Variants in ENOX1 observed in about 807,000 individuals in gnomAD.
ENOX1 encodes the protein candidate growth-related and time keeping constitutive hydroquinone (NADH) oxidase.
ENOX1 carries 42 observed loss-of-function variants against 82.5 expected under a neutral mutation model. The observed-to-expected ratio is 0.51, with a 90% CI of 0.40 to 0.66. The LOEUF (loss-of-function observed/expected upper bound fraction) is 0.66, where lower values mean the gene tolerates loss of function less well. ENOX1 is among the 30% of genes least tolerant of loss of function. The pLI is 0.00. For synonymous variants in ENOX1, 271 were observed against 282.2 expected, an observed-to-expected ratio of 0.96 and a Z score of 0.40; for missense variants, 608 against 811.6, an observed-to-expected ratio of 0.75 and a Z score of 3.05.
Position 43,676,766 on chromosome 13 carries a change from T to C in ENOX1, c.-284-9222A>G, listed in dbSNP as rs909932538. The stretch of plus-strand genomic sequence containing the variant: ...CAGAAAGGGGTTCAGGGAAAAGAAG[T>C]TTGAGATAGCTGGTCCGTTGCACCC... On this transcript the variant is annotated intron_variant, in intron 1 of 16. Coordinates refer to ENST00000690772, the MANE Select transcript of ENOX1 (RefSeq NM_001347969.2). Among the ~76,000 whole-genome samples the C allele has an allele frequency of 2.6e-5, 4 of 152,062 alleles. No individual in the cohort carries two copies. In the East Asian group the frequency reaches 7.7e-4, roughly 29 times the overall value.
At chr13:43,418,309 C>T (rs549922554) in intron 3 of ENOX1, among the ~76,000 whole-genome samples, 1 of 152,294 alleles carries the variant, frequency 6.6e-6, no homozygotes, top group Admixed American at 6.5e-5. Flanking sequence ...GGGCCAATCA[C>T]CTGAGGTCAG....
chr13:43,231,528 G>A (rs2042280719), intron 15 of ENOX1, among the ~76,000 whole-genome samples: 1 of 152,186 alleles, frequency 6.6e-6, no homozygotes, highest in Non-Finnish European at 1.5e-5. Flanking sequence ...TGTAATATTT[G>A]TCTGTCTTAT....
At chr13:43,590,367 A>C (rs2081189375) in intron 2 of ENOX1, among the ~76,000 whole-genome samples, 1 of 152,200 alleles carries the variant, frequency 6.6e-6, no homozygotes, top group South Asian at 2.1e-4. Context: ...ATCGAAAATG[A>C]GAAGGAACAC....
intron 14 of ENOX1, among the ~76,000 whole-genome samples, chr13:43,251,423 GTATCT>G (rs1456987817): frequency 5.3e-5 from 8 of 152,200 alleles, no homozygotes; most frequent in African/African-American, 1.9e-4. Flanking sequence ...TGTTACTAAT[GTATCT>G]ACCTGCATAG....
chr13:43,480,064 G>C (rs975421174), intron 3 of ENOX1, among the ~76,000 whole-genome samples: 3 of 151,884 alleles, frequency 2.0e-5, no homozygotes, highest in Admixed American at 2.0e-4. Flanking sequence ...GCCTCCTGAA[G>C]TAGCTGGGAT....
intron 2 of ENOX1, among the ~76,000 whole-genome samples, chr13:43,535,105 C>T (rs1305783525): frequency 6.6e-6 from 1 of 152,102 alleles, no homozygotes; most frequent in Non-Finnish European, 1.5e-5. Flanking sequence ...GGGAAAATAA[C>T]TCCTCCACAC....
At chr13:43,260,701 T>A (rs1055248989) in intron 14 of ENOX1, among the ~76,000 whole-genome samples, 2 of 152,098 alleles carry the variant, frequency 1.3e-5, no homozygotes, top group African/African-American at 4.8e-5. Context: ...CAATTTAAGA[T>A]GTTGATATCT....
intron 2 of ENOX1, among the ~76,000 whole-genome samples, chr13:43,559,556 T>C (rs2079581373): frequency 6.6e-6 from 1 of 152,214 alleles, no homozygotes; most frequent in South Asian, 2.1e-4. Context: ...CTTATTTAAA[T>C]ATGCTTATTT....
intron 2 of ENOX1, among the ~76,000 whole-genome samples, chr13:43,555,550 T>C (rs768153168): frequency 2.0e-5 from 3 of 152,194 alleles, no homozygotes; most frequent in East Asian, 3.8e-4. Flanking sequence ...TAAAACATTA[T>C]GTGGCAAGGC....
chr13:43,344,291 G>C (rs1324755754), intron 9 of ENOX1, among the ~76,000 whole-genome samples: 4 of 152,146 alleles, frequency 2.6e-5, no homozygotes, highest in Non-Finnish European at 5.9e-5. Context: ...CTGCCCTGGT[G>C]GCCAGGCTTG....
At chr13:43,503,910 C>T (rs528186133) in intron 2 of ENOX1, among the ~76,000 whole-genome samples, 5 of 151,552 alleles carry the variant, frequency 3.3e-5, no homozygotes, top group Non-Finnish European at 7.4e-5. Flanking sequence ...AGGTAACTTA[C>T]AAAATGGGAG....
At chr13:43,492,608 G>C (rs530423804) in intron 2 of ENOX1, among the ~76,000 whole-genome samples, 2 of 152,224 alleles carry the variant, frequency 1.3e-5, no homozygotes, top group African/African-American at 4.8e-5. Flanking sequence ...AAGTACCAAA[G>C]AAAAGGCCAT....
At position 43,695,246 on chromosome 13, in the gene ENOX1, A is replaced by T. The variant is rs550076283; in HGVS notation, c.-284-27702T>A. Reference sequence around the variant, plus strand: ...TGATTAGCAGAATAAGCTCATATTTAAAAAAAAAAAAATGGTTCTTTACTC... The same window carrying T: ...TGATTAGCAGAATAAGCTCATATTTTAAAAAAAAAAAATGGTTCTTTACTC... On this transcript the variant is annotated intron_variant, in intron 1 of 16. Coordinates refer to ENST00000690772, the MANE Select transcript of ENOX1 (RefSeq NM_001347969.2). Among the ~76,000 whole-genome samples the T allele has an allele frequency of 1.9e-3, 222 of 116,624 alleles. 1 individual carries two copies. Among genetic ancestry groups the T allele is most frequent in the African/African-American group, 7.1e-3 (184 of 25,950 alleles). 76.5% of individuals were successfully genotyped at this position (116,624 alleles called of 152,430 possible).
intron 11 of ENOX1, among the ~76,000 whole-genome samples, chr13:43,306,264 C>T (rs1411632786): frequency 3.9e-5 from 6 of 152,306 alleles, no homozygotes; most frequent in South Asian, 2.1e-4. Flanking sequence ...TATGGAGAGG[C>T]GAGCAGGCTG....
chr13:43,493,239 A>T (rs141249639), intron 2 of ENOX1, among the ~76,000 whole-genome samples: 4 of 152,056 alleles, frequency 2.6e-5, no homozygotes, highest in Middle Eastern at 3.4e-3. Flanking sequence ...AGAGAGAGAG[A>T]TGTATAATAA....
At chr13:43,549,220 A>G (rs975872247) in intron 2 of ENOX1, among the ~76,000 whole-genome samples, 2 of 152,236 alleles carry the variant, frequency 1.3e-5, no homozygotes, top group African/African-American at 4.8e-5. Context: ...CAATCAGTCC[A>G]CTGTAATATC....
chr13:43,427,264 A>G (rs1266593603), intron 3 of ENOX1, among the ~76,000 whole-genome samples: 2 of 152,208 alleles, frequency 1.3e-5, no homozygotes, highest in African/African-American at 4.8e-5. Flanking sequence ...CTCCCTATAC[A>G]GCAGTCACTG....
chr13:43,676,372 C>T (rs937011993), intron 1 of ENOX1, among the ~76,000 whole-genome samples: 2 of 152,168 alleles, frequency 1.3e-5, no homozygotes, highest in African/African-American at 4.8e-5. Flanking sequence ...GAAGCCTGGA[C>T]ACTTTGTTTA....
intron 9 of ENOX1, among the ~76,000 whole-genome samples, chr13:43,341,124 T>C (rs2049028829): frequency 6.6e-6 from 1 of 151,948 alleles, no homozygotes; most frequent in African/African-American, 2.4e-5. Flanking sequence ...GGTGAAACCC[T>C]GTCTCTACTA....
Sources: gnomAD v4.1 joint callset for allele counts (sites outside exome capture counted in the v4.1 genomes callset) on GRCh38, gnomAD v4.1.1 for gene constraint, MANE v1.5 for transcripts, NCBI Gene and HGNC (gene_info 2026-07-23, HGNC 2026-07-21) for gene names.